The following PIEZO1 variants were observed in gnomAD, a reference collection of about 807,000 sequenced individuals.
PIEZO1 encodes piezo type mechanosensitive ion channel component 1 (Er blood group), also known as piezo-type mechanosensitive ion channel component 1.
Under a neutral mutation model 297.2 loss-of-function variants are expected in PIEZO1, and 296 were observed. The observed-to-expected ratio is 1.00, with a 90% confidence interval of 0.91 to 1.10. The LOEUF is 1.10. Among genes scored for constraint, PIEZO1 ranks in the 50% least tolerant of loss-of-function variants. The probability of loss-of-function intolerance (pLI) is 0.00; values close to 1 mark genes in which losing one functional copy is unlikely to be tolerated. For missense variants in PIEZO1, 5,018 were observed against 3,455.5 expected, an observed-to-expected ratio of 1.45 and a Z score of -11.34; for synonymous variants, 2,427 against 1,507.5, an observed-to-expected ratio of 1.61 and a Z score of -14.13.
intron 10 of PIEZO1, 41 bp downstream of exon 10, chr16:88,737,518 C>G (rs1001708884): frequency 1.5e-6 from 2 of 1,298,260 alleles, no homozygotes; most frequent in Non-Finnish European, 2.0e-6. Flanking sequence ...CTCCGCCCCG[C>G]CCCCCGCACC....
chr16:88,765,864 G>C (rs539574723), intron 1 of PIEZO1, among the ~76,000 whole-genome samples: 7 of 152,132 alleles, frequency 4.6e-5, no homozygotes, highest in African/African-American at 1.7e-4. Context: ...AGTAGAGATG[G>C]GGTTTCACCA....
At chr16:88,740,761 G>C (rs989594272) in intron 5 of PIEZO1, 7 of 152,378 alleles carry the variant, frequency 4.6e-5, no homozygotes, top group Admixed American at 1.3e-4. Context: ...GGGAGGGTGA[G>C]GTGGGAGGAG....
intron 12 of PIEZO1, 136 bp from the exon 13 acceptor site, chr16:88,735,382 C>G: frequency 1.5e-6 from 1 of 658,250 alleles, no homozygotes; most frequent in Non-Finnish European, 2.8e-6. Context: ...CGCAGCCTCC[C>G]CACAGGCACC....
chr16:88,734,212 C>G (rs1416522681), intron 16 of PIEZO1, 144 bp downstream of exon 16: 2 of 1,176,222 alleles, frequency 1.7e-6, no homozygotes, highest in Admixed American at 2.8e-5. Flanking sequence ...GACCTCCACG[C>G]TACTGCCATC....
In PIEZO1 at chr16:88,723,241, C is replaced by G. The variant is rs1904296465; in HGVS notation, c.4423G>C (p.Gly1475Arg). ...CCCAGCTCACCTGTGGGTAGCTGTC[C>G]TGCCTGTTCCTGCCTTGCCTGCTCC... ...EQEQARQEQAGQLPTGGGPSQ... is the reference protein window; with the variant it reads ...EQEQARQEQARQLPTGGGPSQ... Residue 1475 changes from glycine to arginine, a missense_variant, in exon 32 of 51, where the codon GGA (glycine) becomes CGA (arginine). Physicochemically the swap from Gly to Arg is moderately radical, Grantham distance 125. Coordinates refer to ENST00000301015, the MANE Select transcript of PIEZO1 (RefSeq NM_001142864.4). 3 of 1,545,966 alleles carry G rather than the reference C, an allele frequency of 1.9e-6. No individual in the cohort carries two copies. The highest frequency in any genetic ancestry group is 2.4e-5 in the East Asian group (1 of 40,912).
Position 88,721,461 on chromosome 16 carries a change from C to G in PIEZO1, c.5404-31G>C, listed in dbSNP as rs768206234. ...GGGCGGGAGGGTGTGGTGAGGGGGCCTTGCCTCCCTGGTGGAGAGCACAGG... is the reference window on the plus strand; with the variant it reads ...GGGCGGGAGGGTGTGGTGAGGGGGCGTTGCCTCCCTGGTGGAGAGCACAGG... On this transcript the variant is annotated intron_variant, in intron 38 of 50. Coordinates refer to ENST00000301015, the MANE Select transcript of PIEZO1 (RefSeq NM_001142864.4). 2.3e-5 allele frequency: 36 copies of G among 1,539,230 alleles called. No homozygotes were observed. In the African/African-American group the frequency reaches 4.1e-4, roughly 18 times the overall value.
Position 88,720,691 on chromosome 16 carries a change from C to G in PIEZO1, c.5726G>C (p.Arg1909Thr), listed in dbSNP as rs1046600506. 1 of 1,541,744 alleles carries G rather than the reference C, an allele frequency of 6.5e-7. No homozygotes were observed. The highest frequency in any genetic ancestry group is 1.4e-5 in the African/African-American group (1 of 72,690). ...TCCAGAGCGGCTTGGCCTCTTCTCT[C>G]TCCCCGTGGGGGCCTCTTTCTCTTC... ...GEEEKEAPTG[R>T]EKRPSRSGGR... Residue 1909 changes from arginine (R) to threonine (T), a missense_variant, in exon 40 of 51, where the codon AGA (arginine) becomes ACA (threonine). Transcript: ENST00000301015.
At chr16:88,725,725 G>C in intron 27 of PIEZO1, 41 bp from the exon 28 acceptor site, 2 of 1,065,968 alleles carry the variant, frequency 1.9e-6, no homozygotes, top group Non-Finnish European at 2.8e-6. Flanking sequence ...CCAGGCACTC[G>C]ACCCCAGCAA....
rs140103410 is a variant in PIEZO1, at chr16:88,768,341, G to A, written c.64+16560C>T. ...TCCAAGAAGCTCCCCGGGCCAGGAG[G>A]AGAAGCTGATTAAGTGGCCACTTAA... is the stretch of plus-strand genomic sequence containing the variant. On this transcript the variant is annotated intron_variant, in intron 1 of 50. Transcript: ENST00000301015. Among the ~76,000 whole-genome samples the A allele has an allele frequency of 8.0e-3, 1,225 of 152,350 alleles. 8 individuals are homozygous for A. Among genetic ancestry groups the A allele is most frequent in the South Asian group, 0.028 (134 of 4,834 alleles).
At position 88,736,783 on chromosome 16, in the gene PIEZO1, G is replaced by A. The variant is rs1317742104; in HGVS notation, c.1196-44C>T. 1.0e-5 allele frequency: 13 copies of A among 1,286,028 alleles called. 1 individual carries two copies. Among genetic ancestry groups the A allele is most frequent in the African/African-American group, 1.5e-5 (1 of 67,330 alleles). 79.7% of individuals were successfully genotyped at this position (1,286,028 alleles called of 1,614,324 possible). A position where few individuals can be genotyped will look rare whatever the true frequency, so the allele number is the denominator to read the frequency against. On this transcript the variant is annotated intron_variant, in intron 10 of 50. Coordinates refer to ENST00000301015, the MANE Select transcript of PIEZO1 (RefSeq NM_001142864.4). ...GTCAGCTTCGGCAGGTTGATCTGCA[G>A]GCCTCCCCACCCTGACTATGCCCTA...
In PIEZO1 at chr16:88,721,394, A is replaced by G. The variant is rs1912440754; in HGVS notation, c.5440T>C (p.Ser1814Pro). ...TCGCCGCTCTTGTCATGCTCCTTGG[A>G]TGGTGAGTCCTCCTCATGGTCCCAG... The part of the protein sequence containing the change: ...GLWDHEEDSP[S>P]KEHDKSGEEE... The change falls in exon 39 of 51, where the codon TCC becomes CCC. Residue 1814 changes from serine (S) to proline (P), a missense_variant. Ser to Pro is a moderately conservative substitution (Grantham distance 74). Transcript: ENST00000301015. 1 of 1,549,414 alleles carries G rather than the reference A, an allele frequency of 6.5e-7. No individual in the cohort carries two copies. The highest frequency in any genetic ancestry group is 8.7e-7 in the Non-Finnish European group (1 of 1,146,674).
Position 88,721,849 on chromosome 16 carries a change from G to T in PIEZO1, c.5173C>A (p.Pro1725Thr). ...GCCGTCATCCAGAAGCGCTTGCTGG[G>T]CCTCGGGATCGACAGCATGGCCCAC... ...FLWAMLSIPR[P>T]SKRFWMTAIV... Residue 1725 changes from proline (P) to threonine (T), a missense_variant, in exon 37 of 51, where the codon CCC (proline) becomes ACC (threonine). Physicochemically the swap from Pro to Thr is conservative, Grantham distance 38 (BLOSUM62 -1). Coordinates refer to ENST00000301015, the MANE Select transcript of PIEZO1 (RefSeq NM_001142864.4). The T allele has an allele frequency of 1.3e-6, 2 of 1,549,412 alleles. No individual in the cohort carries two copies. Among genetic ancestry groups the T allele is most frequent in the Non-Finnish European group, 8.7e-7 (1 of 1,146,714 alleles).
At chr16:88,746,770 G>A (rs1906080731) in intron 2 of PIEZO1, among the ~76,000 whole-genome samples, 1 of 152,204 alleles carries the variant, frequency 6.6e-6, no homozygotes, top group South Asian at 2.1e-4. Context: ...TCCTCCCCTG[G>A]CCTGGCTGGG....
At chr16:88,739,562 G>A (rs917400639) in intron 5 of PIEZO1, 8 of 152,264 alleles carry the variant, frequency 5.3e-5, no homozygotes, top group African/African-American at 1.7e-4. Flanking sequence ...CCCCAGCTCT[G>A]ACAGTCTCCG....
rs1197106972 is a variant in PIEZO1 at position 88,738,856 on chromosome 16, G to A, written c.466-120C>T. ...CACATCCACAGCTGCTCCTCTGAGGGCCACAGGACAGCCTCCCCGGGCACA... is the reference window on the plus strand; with the variant it reads ...CACATCCACAGCTGCTCCTCTGAGGACCACAGGACAGCCTCCCCGGGCACA... On this transcript the variant is annotated intron_variant, in intron 5 of 50. Coordinates refer to ENST00000301015, the MANE Select transcript of PIEZO1 (RefSeq NM_001142864.4). 28 of 886,134 alleles carry A rather than the reference G, an allele frequency of 3.2e-5. 2 individuals carry two copies. The highest frequency in any genetic ancestry group is 4.5e-4 in the Middle Eastern group (2 of 4,400). The allele number at this position is 886,134 out of a possible 1,614,324, so 54.9% of individuals were successfully genotyped here.
At chr16:88,757,683 G>A (rs1458924577) in intron 1 of PIEZO1, among the ~76,000 whole-genome samples, 1 of 152,164 alleles carries the variant, frequency 6.6e-6, no homozygotes, top group Non-Finnish European at 1.5e-5. Context: ...GGGGGTTCCT[G>A]GCCCTGAAGG....
chr16:88,734,307 C>T lies in PIEZO1; in HGVS notation c.2180+49G>A, dbSNP rs1357132659. The T allele has an allele frequency of 2.1e-6, 3 of 1,443,518 alleles. No homozygotes were observed. The South Asian group carries it at 4.3e-5, about 20-fold the overall frequency. The allele number at this position is 1,443,518 out of a possible 1,614,324, so 89.4% of individuals were successfully genotyped here. A position where few individuals can be genotyped will look rare whatever the true frequency, so the allele number is the denominator to read the frequency against. Reference sequence around the variant, plus strand: ...ACTCCCACCTGGCTCCCTCCCTGGCCCAGGAGGCTACACCTCTCCAGGGCC... The same window carrying T: ...ACTCCCACCTGGCTCCCTCCCTGGCTCAGGAGGCTACACCTCTCCAGGGCC... On this transcript the variant is annotated intron_variant, in intron 16 of 50. Coordinates refer to ENST00000301015, the MANE Select transcript of PIEZO1 (RefSeq NM_001142864.4).
At position 88,731,769 on chromosome 16, in the gene PIEZO1, G is replaced by T. The variant is rs541530110; in HGVS notation, c.3133C>A (p.Leu1045Met). 6.5e-7 allele frequency: 1 copy of T among 1,549,758 alleles called. No homozygotes were observed. The highest frequency in any genetic ancestry group is 2.0e-5 in the Admixed American group (1 of 50,960). The change falls in exon 22 of 51, where the codon CTG (leucine) becomes ATG (methionine). Residue 1045 changes from leucine (L) to methionine (M), a missense_variant. Coordinates refer to ENST00000301015, the MANE Select transcript of PIEZO1 (RefSeq NM_001142864.4). ...ARLWPNYCLFLALFLLYQYLL... is the reference protein window; with the variant it reads ...ARLWPNYCLFMALFLLYQYLL... ...TACTGGTACAGCAGGAACAGCGCCA[G>T]GAAGAGGCAGTAGTTGGGCCAGAGG...
intron 1 of PIEZO1, among the ~76,000 whole-genome samples, chr16:88,771,600 G>A (rs1907426778): frequency 6.6e-6 from 1 of 152,244 alleles, no homozygotes; most frequent in Non-Finnish European, 1.5e-5. Context: ...AGTGTCCAGC[G>A]GAGGTCCCAA....
Sources: gnomAD v4.1 joint callset for allele counts (sites outside exome capture counted in the v4.1 genomes callset) on GRCh38, gnomAD v4.1.1 for gene constraint, MANE v1.5 for transcripts, NCBI Gene and HGNC (gene_info 2026-07-23, HGNC 2026-07-21) for gene names.